KLHL4: variants seen among roughly 807,000 people sequenced by gnomAD.
The protein encoded by KLHL4 is kelch-like protein 4.
Under a neutral mutation model 45.8 loss-of-function variants are expected in KLHL4, and 17 were observed. The observed-to-expected ratio is 0.37, with a 90% CI of 0.25 to 0.56. The LOEUF (loss-of-function observed/expected upper bound fraction) is 0.56, where lower values mean the gene tolerates loss of function less well. Ranked by LOEUF, KLHL4 falls within the 20% of genes least tolerant of loss-of-function variation. KLHL4 has a pLI of 0.79. For missense variants in KLHL4, 544 were observed against 544.9 expected (o/e 1.00, Z 0.02); for synonymous variants, 224 against 189.9 (o/e 1.18, Z -1.47).
intron 9 of KLHL4, among the ~76,000 whole-genome samples, chrX:87,650,862 TAC>T (rs1232954668): frequency 9.0e-6 from 1 of 111,678 alleles, no homozygotes; most frequent in Non-Finnish European, 1.9e-5. Context: ...AGGCACTTCT[TAC>T]ACGGTAGCAG....
intron 8 of KLHL4, among the ~76,000 whole-genome samples, chrX:87,634,810 TCTC>T (rs1923208109): frequency 9.0e-6 from 1 of 111,611 alleles, no homozygotes; most frequent in African/African-American, 3.3e-5. Flanking sequence ...AGTTATGTAA[TCTC>T]CTACCTAATA....
intron 1 of KLHL4, among the ~76,000 whole-genome samples, chrX:87,565,418 C>A (rs993237408): frequency 1.8e-5 from 2 of 110,923 alleles, no homozygotes; most frequent in Non-Finnish European, 3.8e-5. Context: ...ATATGAGAGG[C>A]CTTACCAAAA....
intron 5 of KLHL4, among the ~76,000 whole-genome samples, chrX:87,622,886 C>A (rs966397389): frequency 1.8e-5 from 2 of 111,621 alleles, no homozygotes; most frequent in African/African-American, 6.5e-5. Context: ...ATTATAAAGG[C>A]ATCCTCACCA....
chrX:87,585,560 TAGA>T (rs1602429552), intron 1 of KLHL4, among the ~76,000 whole-genome samples: 1 of 110,965 alleles, frequency 9.0e-6, no homozygotes, highest in Non-Finnish European at 1.9e-5. Flanking sequence ...AATAATGGAT[TAGA>T]AGATGATAGT....
intron 1 of KLHL4, among the ~76,000 whole-genome samples, chrX:87,610,274 C>T (rs1216201339): frequency 8.9e-6 from 1 of 112,085 alleles, no homozygotes; most frequent in Non-Finnish European, 1.9e-5. Context: ...GTGTTTACTG[C>T]TATATCTTCA....
chrX:87,626,369 T>C (rs909605324), intron 6 of KLHL4, among the ~76,000 whole-genome samples: 3 of 111,441 alleles, frequency 2.7e-5, no homozygotes, highest in African/African-American at 9.8e-5. Context: ...ACAATTTACA[T>C]ATGAGGGAGG....
intron 6 of KLHL4, among the ~76,000 whole-genome samples, chrX:87,628,605 T>G (rs775793570): frequency 3.4e-4 from 38 of 111,824 alleles, no homozygotes; most frequent in African/African-American, 1.2e-3. Flanking sequence ...ACATATTGAG[T>G]ACAGTGTACA....
At chrX:87,602,522 A>G (rs1490210516) in intron 1 of KLHL4, among the ~76,000 whole-genome samples, 2 of 111,860 alleles carry the variant, frequency 1.8e-5, no homozygotes, top group African/African-American at 6.5e-5. Flanking sequence ...TTGTGTTACC[A>G]TTGTCTACAG....
chrX:87,530,122 T>A (rs1030199054), intron 1 of KLHL4, among the ~76,000 whole-genome samples: 1 of 111,071 alleles, frequency 9.0e-6, no homozygotes, highest in South Asian at 3.8e-4. Flanking sequence ...AGCTCTTTAG[T>A]TTAATTAGAT....
intron 1 of KLHL4, among the ~76,000 whole-genome samples, chrX:87,568,579 G>A (rs1372319868): frequency 9.1e-6 from 1 of 109,624 alleles, no homozygotes; most frequent in Non-Finnish European, 1.9e-5. Flanking sequence ...AATCAAATAT[G>A]TATAGTACTT....
chrX:87,598,299 T>A, intron 1 of KLHL4, among the ~76,000 whole-genome samples: 1 of 111,349 alleles, frequency 9.0e-6, no homozygotes, highest in Middle Eastern at 5.2e-3. Context: ...ATTAATTTGC[T>A]TGATACACTC....
Position 87,539,804 on chromosome X carries a change from C to T in KLHL4, c.422+21489C>T, listed in dbSNP as rs888302114. Among the ~76,000 whole-genome samples, 6 of 111,087 alleles carry T rather than the reference C, an allele frequency of 5.4e-5. No individual in the cohort carries two copies. In the Admixed American group the frequency reaches 5.8e-4, roughly 11 times the overall value. ...TAAATTGATTAGTCAGTCCTTTCAC[C>T]CTTATCTCCATCTATGAAGAGCCAT... On this transcript the variant is annotated intron_variant, in intron 1 of 10. Transcript: ENST00000373119.
chrX:87,669,169 G>A lies in KLHL4; in HGVS notation c.*2635G>A. On this transcript the variant is annotated 3_prime_UTR_variant, in exon 11 of 11. Coordinates refer to ENST00000373119, the MANE Select transcript of KLHL4 (RefSeq NM_019117.5). The stretch of plus-strand genomic sequence containing the variant: ...TTATATATTCTTACAAGAGTGTAAG[G>A]GCTCACACATTTACTGTACTCAGAT... 6 of 1,055,171 alleles carry A rather than the reference G, an allele frequency of 5.7e-6. No individual in the cohort carries two copies. Among genetic ancestry groups the A allele is most frequent in the Non-Finnish European group, 7.4e-6 (6 of 816,153 alleles). 87.0% of individuals were successfully genotyped at this position (1,055,171 alleles called of 1,213,427 possible). A position where few individuals can be genotyped will look rare whatever the true frequency, so the allele number is the denominator to read the frequency against.
At chrX:87,659,141 G>A (rs1368379099) in intron 9 of KLHL4, among the ~76,000 whole-genome samples, 19 of 71,504 alleles carry the variant, frequency 2.7e-4, no homozygotes, top group Non-Finnish European at 4.5e-4. Context: ...TTTTTTTGAG[G>A]TGGAGTCTCA....
In KLHL4 at chrX:87,517,892, C is replaced by G. The variant is rs754719384; in HGVS notation, c.-2C>G. ...AAGGCTTTTGTCTTTCCTCCTGCTA[C>G]GATGTCAGTGTCTGGCAAGAAAGAG... On this transcript the variant is annotated 5_prime_UTR_variant, in exon 1 of 11. Transcript: ENST00000373119. The G allele has an allele frequency of 6.1e-5, 73 of 1,196,159 alleles. No individual in the cohort carries two copies. The highest frequency in any genetic ancestry group is 8.1e-5 in the Non-Finnish European group (72 of 887,275).
intron 5 of KLHL4, among the ~76,000 whole-genome samples, chrX:87,625,299 C>G (rs917849407): frequency 2.7e-5 from 3 of 111,808 alleles, no homozygotes; most frequent in South Asian, 7.4e-4. Context: ...TCGGTTTGCT[C>G]AAGTTTTCTC....
At chrX:87,547,173 A>T (rs1423399196) in intron 1 of KLHL4, among the ~76,000 whole-genome samples, 1 of 111,531 alleles carries the variant, frequency 9.0e-6, no homozygotes, top group Non-Finnish European at 1.9e-5. Context: ...TCCAAATCTC[A>T]TCTTGATTTG....
chrX:87,664,445 A>C (rs1924297346), intron 9 of KLHL4, among the ~76,000 whole-genome samples: 2 of 111,978 alleles, frequency 1.8e-5, no homozygotes, highest in African/African-American at 6.5e-5. Context: ...CAATCAGACT[A>C]CTAAATGAGA....
chrX:87,668,497 T>A lies in KLHL4; in HGVS notation c.*1963T>A, dbSNP rs1419587626. On this transcript the variant is annotated 3_prime_UTR_variant, in exon 11 of 11. Transcript: ENST00000373119. The stretch of plus-strand genomic sequence containing the variant: ...TTCATAGCTGCATTTAAAAATGGTG[T>A]TCAGGCCACTATGGCTGCTGTGGTT... 2 of 750,231 alleles carry A rather than the reference T, an allele frequency of 2.7e-6. No homozygotes were observed. The highest frequency in any genetic ancestry group is 3.1e-6 in the Non-Finnish European group (2 of 636,725). 61.8% of individuals were successfully genotyped at this position (750,231 alleles called of 1,213,427 possible).
Sources: allele counts gnomAD v4.1 joint callset (sites outside exome capture counted in the v4.1 genomes callset), GRCh38; gene constraint gnomAD v4.1.1; transcripts MANE v1.5; gene names NCBI Gene and HGNC (gene_info 2026-07-23, HGNC 2026-07-21).